The following ZNG1F variants were observed in gnomAD, a reference collection of about 807,000 sequenced individuals.
ZNG1F encodes the protein Zn regulated GTPase metalloprotein activator 1F.
chr9:41,202,806 G>A, the ZNG1F span, among the ~76,000 whole-genome samples: 1 of 143,412 alleles, frequency 7.0e-6, no homozygotes, highest in South Asian at 2.3e-4. Flanking sequence ...CAGGTAATGA[G>A]TGTCGATACG....
the ZNG1F span, among the ~76,000 whole-genome samples, chr9:41,195,585 G>C: frequency 6.9e-6 from 1 of 144,242 alleles, no homozygotes; most frequent in South Asian, 2.2e-4. Flanking sequence ...TTGTAAGTCA[G>C]CTTGCCATGA....
At chr9:41,145,475 G>A in the ZNG1F span, 169 of 493,598 alleles carry the variant, frequency 3.4e-4, 5 homozygotes, top group South Asian at 2.2e-3. Flanking sequence ...CAAGTTGTTC[G>A]CAAATTCCAA....
the ZNG1F span, chr9:41,131,947 CA>C: frequency 2.3e-6 from 1 of 441,444 alleles, no homozygotes; most frequent in Non-Finnish European, 4.0e-6. Context: ...TAAAAATTTA[CA>C]AAAAGAATAG....
At chr9:41,152,280 T>A in the ZNG1F span, among the ~76,000 whole-genome samples, 1 of 146,204 alleles carries the variant, frequency 6.8e-6, no homozygotes, top group African/African-American at 2.5e-5. Flanking sequence ...GGTAAAGGGA[T>A]CAATTCAACA....
At chr9:41,139,648 T>G in the ZNG1F span, among the ~76,000 whole-genome samples, 1 of 151,774 alleles carries the variant, frequency 6.6e-6, no homozygotes, top group Non-Finnish European at 1.5e-5. Flanking sequence ...AGATTCAAAT[T>G]GAACTTGCAA....
the ZNG1F span, among the ~76,000 whole-genome samples, chr9:41,199,904 A>T: frequency 1.0e-4 from 15 of 145,724 alleles, no homozygotes; most frequent in East Asian, 2.5e-3. Flanking sequence ...CCTTTCATTC[A>T]TGGCTGGGAT....
the ZNG1F span, among the ~76,000 whole-genome samples, chr9:41,151,845 A>AC: frequency 1.4e-5 from 2 of 145,110 alleles, no homozygotes; most frequent in Admixed American, 7.1e-5. Context: ...AGAGCTCCTG[A>AC]AGGAAGCGCT....
chr9:41,160,342 T>TA, the ZNG1F span, among the ~76,000 whole-genome samples: 1 of 69,268 alleles, frequency 1.4e-5, no homozygotes, highest in South Asian at 8.1e-4. Flanking sequence ...AAAAAAATTT[T>TA]AAAAAACAAA....
At chr9:41,159,104 C>A in the ZNG1F span, among the ~76,000 whole-genome samples, 2 of 150,020 alleles carry the variant, frequency 1.3e-5, no homozygotes, top group Non-Finnish European at 3.0e-5. Flanking sequence ...AAAGTGAAAA[C>A]GAAGAGGGTT....
chr9:41,200,685 T>C, the ZNG1F span, among the ~76,000 whole-genome samples: 131 of 152,182 alleles, frequency 8.6e-4, no homozygotes, highest in African/African-American at 2.7e-3. Context: ...ACTGGGCAAT[T>C]TGCAAAAGAA....
the ZNG1F span, among the ~76,000 whole-genome samples, chr9:41,178,662 G>T: frequency 4.1e-5 from 1 of 24,370 alleles, no homozygotes; most frequent in African/African-American, 1.5e-4. Flanking sequence ...CGCCTCCCGG[G>T]TTCAAGCCAT....
chr9:41,187,246 A>C, the ZNG1F span, among the ~76,000 whole-genome samples: 1 of 135,614 alleles, frequency 7.4e-6, no homozygotes, highest in South Asian at 2.5e-4. Flanking sequence ...CATAGAGCTT[A>C]GAAATATTAA....
At chr9:41,159,208 G>C in the ZNG1F span, among the ~76,000 whole-genome samples, 2 of 150,018 alleles carry the variant, frequency 1.3e-5, no homozygotes, top group East Asian at 4.0e-4. Flanking sequence ...TCATAAACAG[G>C]GTGCACCAGC....
the ZNG1F span, among the ~76,000 whole-genome samples, chr9:41,166,468 ATATAT>A: frequency 0.021 from 2,996 of 141,316 alleles, 36 homozygotes; most frequent in African/African-American, 0.063. Context: ...ATATATATAT[ATATAT>A]AAAATCTTCA....
At chr9:41,185,044 T>C in the ZNG1F span, among the ~76,000 whole-genome samples, 1 of 136,850 alleles carries the variant, frequency 7.3e-6, no homozygotes, top group Non-Finnish European at 1.6e-5. Context: ...AGAAATCGTC[T>C]AATAGATATT....
At chr9:41,183,497 T>C in the ZNG1F span, 1 of 1,459,940 alleles carries the variant, frequency 6.8e-7, no homozygotes, top group Non-Finnish European at 9.2e-7. Context: ...CTCAAGAAAA[T>C]TAAAGCTGGA....
At chr9:41,154,751 G>T in the ZNG1F span, among the ~76,000 whole-genome samples, 2 of 150,094 alleles carry the variant, frequency 1.3e-5, no homozygotes, top group Admixed American at 1.3e-4. Context: ...ACAAGCAGTG[G>T]GGAAAGATTC....
At chr9:41,139,497 T>C in the ZNG1F span, among the ~76,000 whole-genome samples, 2 of 148,224 alleles carry the variant, frequency 1.3e-5, no homozygotes, top group African/African-American at 5.0e-5. Context: ...TCAGTTGTGG[T>C]AGTATGGAAA....
chr9:41,139,635 A>G, the ZNG1F span, among the ~76,000 whole-genome samples: 2 of 151,764 alleles, frequency 1.3e-5, no homozygotes, highest in African/African-American at 2.4e-5. Context: ...GCAGACTAAA[A>G]AAAGATTCAA....
Sources: gnomAD v4.1 joint callset for allele counts (sites outside exome capture counted in the v4.1 genomes callset) on GRCh38, gnomAD v4.1.1 for gene constraint, MANE v1.5 for transcripts, NCBI Gene and HGNC (gene_info 2026-07-23, HGNC 2026-07-21) for gene names.